CGNL1: variants seen among roughly 807,000 people sequenced by gnomAD.
CGNL1 encodes cingulin like 1, also known as cingulin-like protein 1.
Under a neutral mutation model 141.2 loss-of-function variants are expected in CGNL1, and 132 were observed. The observed-to-expected ratio is 0.93, with a 90% confidence interval of 0.81 to 1.08. CGNL1 has a LOEUF of 1.08. CGNL1 is among the 50% of genes least tolerant of loss of function. The pLI is 0.00. For synonymous variants in CGNL1, 690 were observed against 622.1 expected (o/e 1.11, Z -1.63); for missense variants, 1,870 against 1,588.6 (o/e 1.18, Z -3.01).
At chr15:57,406,992 C>T (rs1423727550) in intron 1 of CGNL1, 2 of 152,202 alleles carry the variant, frequency 1.3e-5, no homozygotes, top group South Asian at 2.1e-4. Context: ...AATGTTGGGC[C>T]ATCTGTCCTT....
At chr15:57,448,660 A>T (rs2063286491) in intron 4 of CGNL1, among the ~76,000 whole-genome samples, 1 of 152,172 alleles carries the variant, frequency 6.6e-6, no homozygotes, top group African/African-American at 2.4e-5. Context: ...AAGAAAAAAA[A>T]AACAAAAACC....
intron 8 of CGNL1, among the ~76,000 whole-genome samples, chr15:57,470,753 G>T (rs1326673844): frequency 2.0e-5 from 3 of 152,202 alleles, no homozygotes; most frequent in South Asian, 4.1e-4. Flanking sequence ...ATGTGGTCTT[G>T]TGGGCAGAAA....
At chr15:57,543,515 A>G (rs1204040678) in intron 14 of CGNL1, among the ~76,000 whole-genome samples, 181 bp from the exon 15 acceptor site, 2 of 152,182 alleles carry the variant, frequency 1.3e-5, no homozygotes, top group Non-Finnish European at 2.9e-5. Flanking sequence ...TGCAATCATC[A>G]AGAAACCAAG....
rs367958058 is a variant in CGNL1, at chr15:57,461,830, C to G, written c.2341C>G (p.Leu781Val). Reference protein sequence around the residue: ...VSSHDQEMDKLKEQYDAELQA... With the variant: ...VSSHDQEMDKVKEQYDAELQA... ...CAGCCATGATCAGGAGATGGACAAG[C>G]TGAAGGAGCAATATGATGCTGAGTT... is the stretch of plus-strand genomic sequence containing the variant. The change falls in exon 8 of 19, where the codon CTG (leucine) becomes GTG (valine). Residue 781 changes from leucine (L) to valine (V), a missense_variant. By Grantham distance (32) the Leu-to-Val change is conservative. Coordinates refer to ENST00000281282, the MANE Select transcript of CGNL1 (RefSeq NM_032866.5). 1 of 1,614,018 alleles carries G rather than the reference C, an allele frequency of 6.2e-7. No homozygotes were observed. Among genetic ancestry groups the G allele is most frequent in the Non-Finnish European group, 8.5e-7 (1 of 1,179,998 alleles).
Position 57,380,607 on chromosome 15 carries a change from A to C in CGNL1, c.-16+4040A>C, listed in dbSNP as rs183274592. 2.0e-5 allele frequency among the ~76,000 whole-genome samples: 3 copies of C among 152,246 alleles called. No homozygotes were observed. In the East Asian group the frequency reaches 5.8e-4, roughly 29 times the overall value. On this transcript the variant is annotated intron_variant, in intron 1 of 18. Transcript: ENST00000281282. Reference sequence around the variant, plus strand: ...GGTTTACATTAAAGCTTATTCTATTAGGCCCGTACCCCAAATGACTGATTT... The same window carrying C: ...GGTTTACATTAAAGCTTATTCTATTCGGCCCGTACCCCAAATGACTGATTT...
intron 10 of CGNL1, among the ~76,000 whole-genome samples, chr15:57,519,084 C>T (rs1378258534): frequency 6.6e-6 from 1 of 152,222 alleles, no homozygotes; most frequent in Non-Finnish European, 1.5e-5. Flanking sequence ...TATTCAAAAT[C>T]AGTAGGTTCT....
intron 13 of CGNL1, 39 bp downstream of exon 13, chr15:57,528,854 A>G: frequency 3.7e-6 from 6 of 1,601,174 alleles, no homozygotes; most frequent in Non-Finnish European, 4.3e-6. Flanking sequence ...GGACCTGCAG[A>G]GAGCGAGGCT....
chr15:57,403,428 C>T (rs2062681528), intron 1 of CGNL1, among the ~76,000 whole-genome samples: 1 of 152,214 alleles, frequency 6.6e-6, no homozygotes, highest in Non-Finnish European at 1.5e-5. Flanking sequence ...TAAAAACCAT[C>T]TCCCAAACCC....
chr15:57,475,320 C>T (rs1451895369), intron 8 of CGNL1, among the ~76,000 whole-genome samples: 1 of 135,722 alleles, frequency 7.4e-6, no homozygotes, highest in Non-Finnish European at 1.6e-5. Flanking sequence ...TAAAGGATTC[C>T]CTGTCACCTC....
Position 57,547,642 on chromosome 15 carries a change from C to T in CGNL1, c.*152C>T, listed in dbSNP as rs142656026. The T allele has an allele frequency of 6.7e-5, 56 of 840,200 alleles. No homozygotes were observed. The highest frequency in any genetic ancestry group is 5.5e-4 in the African/African-American group (32 of 58,228). 52.0% of individuals were successfully genotyped at this position (840,200 alleles called of 1,614,324 possible). On this transcript the variant is annotated 3_prime_UTR_variant, in exon 19 of 19. Coordinates refer to ENST00000281282, the MANE Select transcript of CGNL1 (RefSeq NM_032866.5). The stretch of plus-strand genomic sequence containing the variant: ...AGCTCCTCAGTGTTACATTCCTCGC[C>T]AGGGTCTCTCAGTGGGTCTTCGACA...
intron 8 of CGNL1, among the ~76,000 whole-genome samples, chr15:57,510,637 A>G (rs1400272194): frequency 1.3e-5 from 2 of 152,236 alleles, no homozygotes; most frequent in Admixed American, 1.3e-4. Flanking sequence ...ATGGTGTTGA[A>G]TGAAAAATTT....
intron 1 of CGNL1, among the ~76,000 whole-genome samples, chr15:57,389,255 C>T (rs927058646): frequency 6.6e-6 from 1 of 151,986 alleles, no homozygotes; most frequent in African/African-American, 2.4e-5. Flanking sequence ...GATTCAAGTT[C>T]CACTCCAGCC....
chr15:57,496,916 G>A (rs1343972196), intron 8 of CGNL1, among the ~76,000 whole-genome samples: 4 of 152,180 alleles, frequency 2.6e-5, no homozygotes, highest in African/African-American at 4.8e-5. Flanking sequence ...AGAGAGGGGA[G>A]AAGAGCCAGG....
In CGNL1 at chr15:57,437,997, A is replaced by G; in HGVS notation, c.-3A>G. ...CTCTCCCTGGTAGCTGGAACAGTGAACCATGGAGCTGTATTTCGGTGAATA... is the reference window on the plus strand; with the variant it reads ...CTCTCCCTGGTAGCTGGAACAGTGAGCCATGGAGCTGTATTTCGGTGAATA... On this transcript the variant is annotated 5_prime_UTR_variant, in exon 2 of 19. Coordinates refer to ENST00000281282, the MANE Select transcript of CGNL1 (RefSeq NM_032866.5). 6.2e-7 allele frequency: 1 copy of G among 1,608,224 alleles called. No homozygotes were observed. The highest frequency in any genetic ancestry group is 8.5e-7 in the Non-Finnish European group (1 of 1,178,540).
rs774082923 is a variant in CGNL1 at position 57,438,188 on chromosome 15, C to A, written c.189C>A (p.Cys63Ter). The change falls in exon 2 of 19, where the codon TGC becomes TGA. Residue 63 changes from cysteine to a stop codon, truncating the protein, a stop_gained. Transcript: ENST00000281282. LOFTEE classifies it high-confidence loss of function. ...TTGTCCTGAATAACACAGAACGGTG[C>A]CTAGCAGGCACATCGTTTTCTGAAA... ...PYIVLNNTER[C>*]LAGTSFSENG... 1 of 1,613,996 alleles carries A rather than the reference C, an allele frequency of 6.2e-7. No homozygotes were observed. The highest frequency in any genetic ancestry group is 8.5e-7 in the Non-Finnish European group (1 of 1,179,988).
intron 8 of CGNL1, among the ~76,000 whole-genome samples, chr15:57,496,418 G>A (rs534555892): frequency 2.6e-5 from 4 of 152,244 alleles, no homozygotes; most frequent in South Asian, 4.2e-4. Flanking sequence ...CTGTGCATGC[G>A]AGGGATCTAG....
chr15:57,518,554 C>A, intron 10 of CGNL1, 57 bp downstream of exon 10: 1 of 1,160,576 alleles, frequency 8.6e-7, no homozygotes, highest in Non-Finnish European at 1.3e-6. Flanking sequence ...AGAGACGCAA[C>A]ACCAGAGGGA....
chr15:57,383,292 C>CTTTTTTTTTTTTTTTTTTTTTTTTTTTTT (rs59213732), intron 1 of CGNL1, among the ~76,000 whole-genome samples: 3 of 109,602 alleles, frequency 2.7e-5, no homozygotes, highest in African/African-American at 1.1e-4. Context: ...TTCTTTCTTC[C>CTTTTTTTTTTTTTTTTTTTTTTTTTTTTT]TTTTTTTTTT....
chr15:57,495,908 C>A (rs1241697656), intron 8 of CGNL1, among the ~76,000 whole-genome samples: 1 of 105,866 alleles, frequency 9.4e-6, no homozygotes, highest in Non-Finnish European at 1.9e-5. Context: ...GCACATAAAG[C>A]AACTAATTGA....
Sources: allele counts gnomAD v4.1 joint callset (sites outside exome capture counted in the v4.1 genomes callset), GRCh38; gene constraint gnomAD v4.1.1; transcripts MANE v1.5; gene names NCBI Gene and HGNC (gene_info 2026-07-23, HGNC 2026-07-21).